The following RPTOR variants were observed in gnomAD, a reference collection of about 807,000 sequenced individuals.
The protein encoded by RPTOR is regulatory associated protein of MTOR complex 1.
Under a neutral mutation model 169.9 loss-of-function variants are expected in RPTOR, and 21 were observed. The ratio of observed to expected loss-of-function variants is 0.12; its 90% CI spans 0.09 to 0.18. The LOEUF is 0.18. Ranked by LOEUF, RPTOR falls within the 10% of genes least tolerant of loss-of-function variation. The pLI is 1.00. For synonymous variants in RPTOR, 732 were observed against 753.2 expected (o/e 0.97, Z 0.46); for missense variants, 1,133 against 1,855.9 (o/e 0.61, Z 7.16).
rs201400170 is a variant in RPTOR at position 80,940,565 on chromosome 17, C to T, written c.2989C>T (p.Arg997Cys). ...EREWRFLRNSRVRRQAQQVIQ... is the reference protein window; with the variant it reads ...EREWRFLRNSCVRRQAQQVIQ... Reference sequence around the variant, plus strand: ...GGAGTGGCGGTTCCTGCGAAACAGCCGTGTCAGGAGGCAGGCCCAGCAAGT... The same window carrying T: ...GGAGTGGCGGTTCCTGCGAAACAGCTGTGTCAGGAGGCAGGCCCAGCAAGT... The change falls in exon 25 of 34, where the codon CGT (arginine) becomes TGT (cysteine). Residue 997 changes from arginine (R) to cysteine (C), a missense_variant. Physicochemically the swap from Arg to Cys is radical, Grantham distance 180 (BLOSUM62 -3). Coordinates refer to ENST00000306801, the MANE Select transcript of RPTOR (RefSeq NM_020761.3). The T allele has an allele frequency of 1.6e-4, 253 of 1,612,974 alleles. No individual in the cohort carries two copies. Among genetic ancestry groups the T allele is most frequent in the Admixed American group, 6.8e-4 (41 of 59,952 alleles).
At chr17:80,644,837 A>G (rs12603265) in intron 3 of RPTOR, among the ~76,000 whole-genome samples, 113,920 of 152,122 alleles carry the variant, frequency 0.75, 43,597 homozygotes, top group African/African-American at 0.89. Context: ...GCTTCCAGTC[A>G]TGAGCTAATT....
intron 5 of RPTOR, among the ~76,000 whole-genome samples, chr17:80,753,524 T>A (rs8074643): frequency 0.42 from 62,621 of 148,748 alleles, 13,611 homozygotes; most frequent in Non-Finnish European, 0.48. Flanking sequence ...TCCCAGCTAC[T>A]CGGGAGGCTG....
intron 3 of RPTOR, among the ~76,000 whole-genome samples, chr17:80,702,200 T>C (rs2066106770): frequency 6.6e-6 from 1 of 152,310 alleles, no homozygotes; most frequent in Non-Finnish European, 1.5e-5. Flanking sequence ...AGCTGCATTT[T>C]CCTTCATTAA....
At position 80,783,945 on chromosome 17, in the gene RPTOR, G is replaced by A. The variant is rs1210109082; in HGVS notation, c.831-7505G>A. On this transcript the variant is annotated intron_variant, in intron 6 of 33. Transcript: ENST00000306801. ...TTAACGTTTGCAAGTTAGGAAAGTCGCTTCTACTTGGTTTTCTTCTAATAA... is the reference window on the plus strand; with the variant it reads ...TTAACGTTTGCAAGTTAGGAAAGTCACTTCTACTTGGTTTTCTTCTAATAA... 2.0e-5 allele frequency among the ~76,000 whole-genome samples: 3 copies of A among 152,258 alleles called. No homozygotes were observed. In the South Asian group the frequency reaches 6.2e-4, roughly 32 times the overall value.
At chr17:80,927,732 C>CTGTGTGTCCCTA (rs35087326) in intron 24 of RPTOR, among the ~76,000 whole-genome samples, 1 of 146,514 alleles carries the variant, frequency 6.8e-6, no homozygotes, top group Non-Finnish European at 1.5e-5. Flanking sequence ...CTGTGTGTTT[C>CTGTGTGTCCCTA]TGTGTGTCTG....
In RPTOR at chr17:80,880,429, C is replaced by T. The variant is rs748658227; in HGVS notation, c.1524C>T (p.Asp508=). 6.2e-7 allele frequency: 1 copy of T among 1,613,676 alleles called. No individual in the cohort carries two copies. Among genetic ancestry groups the T allele is most frequent in the Non-Finnish European group, 8.5e-7 (1 of 1,179,998 alleles). The part of the protein sequence containing the change: ...ILAVDSSCQA[D]LVKDNGHKYF... ...TTTCTGTCCAGTCGTGCCAAGCGGA[C>T]CTCGTGAAGGACAACGGCCACAAGT... The change falls in exon 14 of 34, where the codon GAC becomes GAT. Residue 508 remains aspartate, a synonymous_variant. Coordinates refer to ENST00000306801, the MANE Select transcript of RPTOR (RefSeq NM_020761.3).
chr17:80,718,476 G>A (rs918394342), intron 4 of RPTOR, among the ~76,000 whole-genome samples: 1 of 152,204 alleles, frequency 6.6e-6, no homozygotes, highest in African/African-American at 2.4e-5. Context: ...CGAATTGCAT[G>A]ATGATGTATT....
chr17:80,924,252 C>A (rs1399054773), intron 23 of RPTOR: 1 of 152,440 alleles, frequency 6.6e-6, no homozygotes, highest in Non-Finnish European at 1.5e-5. Flanking sequence ...GGTCCGGAGA[C>A]CTCGGCTGTC....
At chr17:80,771,040 C>T (rs556414294) in intron 6 of RPTOR, among the ~76,000 whole-genome samples, 110 of 152,330 alleles carry the variant, frequency 7.2e-4, no homozygotes, top group African/African-American at 2.3e-3. Context: ...CCTTCTGAGC[C>T]GTCAGCCTCA....
intron 13 of RPTOR, among the ~76,000 whole-genome samples, chr17:80,867,444 C>G (rs888697252): frequency 1.3e-5 from 2 of 152,012 alleles, no homozygotes; most frequent in Non-Finnish European, 2.9e-5. Flanking sequence ...AACTTACAGC[C>G]AACACCATAC....
At chr17:80,906,371 T>TTGTGGATCTCAG (rs1394780125) in intron 20 of RPTOR, among the ~76,000 whole-genome samples, 1 of 152,220 alleles carries the variant, frequency 6.6e-6, no homozygotes, top group African/African-American at 2.4e-5. Flanking sequence ...TCTACACGGC[T>TTGTGGATCTCAG]ATCGCAGAGC....
chr17:80,602,779 G>C, intron 1 of RPTOR: 1 of 710,960 alleles, frequency 1.4e-6, no homozygotes, highest in Non-Finnish European at 2.6e-6. Context: ...TCAAATTTCC[G>C]AATCTCTCTG....
chr17:80,839,238 C>T (rs1029242612), intron 10 of RPTOR, among the ~76,000 whole-genome samples: 11 of 152,172 alleles, frequency 7.2e-5, no homozygotes, highest in African/African-American at 2.4e-4. Context: ...ACATGTCCCA[C>T]GGGTGGGATG....
chr17:80,866,413 C>T (rs1460047965), intron 13 of RPTOR, among the ~76,000 whole-genome samples: 1 of 152,070 alleles, frequency 6.6e-6, no homozygotes, highest in African/African-American at 2.4e-5. Context: ...GTGGAGTAAA[C>T]CCAAAGCTGT....
chr17:80,927,709 C>A (rs866826963), intron 24 of RPTOR, among the ~76,000 whole-genome samples: 25 of 119,032 alleles, frequency 2.1e-4, no homozygotes, highest in Middle Eastern at 7.5e-3. Context: ...GTATGTGTAT[C>A]TCGTGTGTGT....
intron 13 of RPTOR, 122 bp downstream of exon 13, chr17:80,858,022 T>A: frequency 1.3e-6 from 1 of 769,958 alleles, no homozygotes; most frequent in Non-Finnish European, 2.2e-6. Flanking sequence ...GCACCGCCGT[T>A]CCCTTCCTCT....
At chr17:80,567,747 G>T (rs1166842482) in intron 1 of RPTOR, among the ~76,000 whole-genome samples, 1 of 151,398 alleles carries the variant, frequency 6.6e-6, no homozygotes, top group African/African-American at 2.4e-5. Context: ...AGCCGAGATC[G>T]CGCCACTGCC....
intron 5 of RPTOR, among the ~76,000 whole-genome samples, chr17:80,747,814 C>G (rs2066590901): frequency 6.6e-6 from 1 of 152,248 alleles, no homozygotes; most frequent in African/African-American, 2.4e-5. Context: ...CGCCCCACCA[C>G]CCCATGCCAT....
chr17:80,905,737 G>A (rs967602260), intron 20 of RPTOR, among the ~76,000 whole-genome samples: 48 of 152,310 alleles, frequency 3.2e-4, no homozygotes, highest in African/African-American at 1.2e-3. Context: ...CGCGTCTGTG[G>A]CCCCCACATT....
Sources: allele counts gnomAD v4.1 joint callset (sites outside exome capture counted in the v4.1 genomes callset), GRCh38; gene constraint gnomAD v4.1.1; transcripts MANE v1.5; gene names NCBI Gene and HGNC (gene_info 2026-07-23, HGNC 2026-07-21).